Variants in SMOC1 observed in about 807,000 individuals in gnomAD.
The protein encoded by SMOC1 is SPARC-related modular calcium-binding protein 1.
A neutral mutation model predicts 56.3 loss-of-function variants in SMOC1; 22 were observed. The ratio of observed to expected loss-of-function variants is 0.39; its 90% CI spans 0.28 to 0.56. The LOEUF is 0.56. Among genes scored for constraint, SMOC1 ranks in the 20% least tolerant of loss-of-function variants. SMOC1 has a pLI of 0.61. For synonymous variants in SMOC1, 193 were observed against 215.0 expected (o/e 0.90, Z 0.89); for missense variants, 509 against 565.4 (o/e 0.90, Z 1.01).
At chr14:70,007,238 G>A (rs1885178826) in intron 7 of SMOC1, among the ~76,000 whole-genome samples, 1 of 152,280 alleles carries the variant, frequency 6.6e-6, no homozygotes, top group Non-Finnish European at 1.5e-5. Flanking sequence ...GTTCAATGAG[G>A]ATAACAACAC....
At chr14:69,883,239 C>T (rs1883693348) in intron 1 of SMOC1, among the ~76,000 whole-genome samples, 1 of 152,152 alleles carries the variant, frequency 6.6e-6, no homozygotes, top group South Asian at 2.1e-4. Context: ...TTACTCCTCT[C>T]TAACTATAAT....
At chr14:69,955,192 G>A (rs1883140739) in intron 3 of SMOC1, among the ~76,000 whole-genome samples, 1 of 152,164 alleles carries the variant, frequency 6.6e-6, no homozygotes, top group African/African-American at 2.4e-5. Flanking sequence ...AAATCCCTAA[G>A]TCCAGAGCCC....
chr14:69,936,572 G>T (rs1885300415), intron 1 of SMOC1, among the ~76,000 whole-genome samples: 1 of 152,246 alleles, frequency 6.6e-6, no homozygotes, highest in African/African-American at 2.4e-5. Flanking sequence ...GTCTGGGCAA[G>T]CTTCGCTCAG....
chr14:69,994,825 T>C (rs1429148443), intron 7 of SMOC1, among the ~76,000 whole-genome samples: 1 of 152,226 alleles, frequency 6.6e-6, no homozygotes, highest in African/African-American at 2.4e-5. Context: ...GAGTCGATTC[T>C]GTGTGTTTTG....
intron 1 of SMOC1, among the ~76,000 whole-genome samples, chr14:69,911,932 G>A (rs1229673936): frequency 6.6e-6 from 1 of 152,192 alleles, no homozygotes; most frequent in Non-Finnish European, 1.5e-5. Context: ...CTGCCACACT[G>A]TTTTCCAGAG....
chr14:69,883,221 T>A (rs1023678178), intron 1 of SMOC1, among the ~76,000 whole-genome samples: 9 of 152,188 alleles, frequency 5.9e-5, no homozygotes, highest in Non-Finnish European at 2.9e-5. Flanking sequence ...ATAGATCTCT[T>A]GAATTTATTA....
At chr14:69,993,804 T>G (rs761820767) in intron 6 of SMOC1, among the ~76,000 whole-genome samples, 6 of 152,152 alleles carry the variant, frequency 3.9e-5, no homozygotes, top group Non-Finnish European at 7.4e-5. Context: ...TGAAGGTCAC[T>G]CCACAGTATG....
Position 70,031,080 on chromosome 14 carries a change from T to G in SMOC1, c.*822T>G, listed in dbSNP as rs1213701527. 2 of 152,190 alleles carry G rather than the reference T, an allele frequency of 1.3e-5. No individual in the cohort carries two copies. Among genetic ancestry groups the G allele is most frequent in the Non-Finnish European group, 2.9e-5 (2 of 68,056 alleles). 9.4% of individuals were successfully genotyped at this position (152,190 alleles called of 1,614,324 possible). On this transcript the variant is annotated 3_prime_UTR_variant, in exon 12 of 12. Coordinates refer to ENST00000361956, the MANE Select transcript of SMOC1 (RefSeq NM_001034852.3). ...TATCTTAGTGACCCTCGGAGCAAATTATCCACAAAGGATTTGCATTACGTC... is the reference window on the plus strand; with the variant it reads ...TATCTTAGTGACCCTCGGAGCAAATGATCCACAAAGGATTTGCATTACGTC...
intron 1 of SMOC1, among the ~76,000 whole-genome samples, chr14:69,913,707 T>C (rs1884614561): frequency 6.6e-6 from 1 of 152,184 alleles, no homozygotes; most frequent in African/African-American, 2.4e-5. Context: ...GATTTTGCTC[T>C]TGAGTGTGGG....
At chr14:70,005,542 C>T (rs1293904187) in intron 7 of SMOC1, among the ~76,000 whole-genome samples, 3 of 152,138 alleles carry the variant, frequency 2.0e-5, no homozygotes. Flanking sequence ...GGGTTGTGTG[C>T]CTTCTGGTGA....
intron 1 of SMOC1, chr14:69,885,875 C>A (rs552312561): frequency 6.3e-7 from 1 of 1,599,380 alleles, no homozygotes. Context: ...AGCTGTTTGG[C>A]GGTCCAGGGC....
intron 1 of SMOC1, among the ~76,000 whole-genome samples, chr14:69,912,443 T>C (rs1884578066): frequency 6.6e-6 from 1 of 152,200 alleles, no homozygotes; most frequent in African/African-American, 2.4e-5. Context: ...GTAGAGCCGG[T>C]GTTTTGCTGT....
chr14:69,970,365 C>T (rs1055286967), intron 3 of SMOC1, among the ~76,000 whole-genome samples: 2 of 152,176 alleles, frequency 1.3e-5, no homozygotes, highest in Non-Finnish European at 1.5e-5. Flanking sequence ...GCCTCAGTTT[C>T]CTCATTTTTG....
At chr14:70,015,675 G>A (rs2139598437) in intron 10 of SMOC1, among the ~76,000 whole-genome samples, 1 of 152,198 alleles carries the variant, frequency 6.6e-6, no homozygotes, top group South Asian at 2.1e-4. Context: ...GATGAAGACA[G>A]GGTTCAACAG....
intron 5 of SMOC1, among the ~76,000 whole-genome samples, chr14:69,980,770 G>A (rs140934240): frequency 1.3e-5 from 2 of 152,234 alleles, no homozygotes; most frequent in African/African-American, 4.8e-5. Context: ...CCTGAGGCCT[G>A]CTGCAAAGAG....
At chr14:70,019,134 GT>G (rs1283437262) in intron 10 of SMOC1, among the ~76,000 whole-genome samples, 1 of 152,240 alleles carries the variant, frequency 6.6e-6, no homozygotes, top group Non-Finnish European at 1.5e-5. Context: ...TGGGAGAAGT[GT>G]AGCCTATGCC....
At chr14:69,987,724 C>T (rs1301726391) in intron 5 of SMOC1, among the ~76,000 whole-genome samples, 1 of 152,136 alleles carries the variant, frequency 6.6e-6, no homozygotes, top group African/African-American at 2.4e-5. Context: ...TCCTCGCCAG[C>T]GAATGTCAAT....
rs188367573 is a variant in SMOC1, at chr14:69,963,357, G to T, written c.378+9825G>T. Among the ~76,000 whole-genome samples the T allele has an allele frequency of 6.0e-3, 916 of 152,176 alleles. 7 individuals are homozygous for T. The highest frequency in any genetic ancestry group is 0.01 in the South Asian group (50 of 4,806). The stretch of plus-strand genomic sequence containing the variant: ...TTGGGAGAGAACGGTACCAAATGGG[G>T]GTAGGAAACTTTTTAGAATCACCAA... On this transcript the variant is annotated intron_variant, in intron 3 of 11. Transcript: ENST00000361956.
At chr14:69,909,057 T>C (rs149567873) in intron 1 of SMOC1, among the ~76,000 whole-genome samples, 1 of 152,126 alleles carries the variant, frequency 6.6e-6, no homozygotes, top group Non-Finnish European at 1.5e-5. Context: ...ATCTCTTTGC[T>C]CCACTAGACT....
Sources: allele counts gnomAD v4.1 joint callset (sites outside exome capture counted in the v4.1 genomes callset), GRCh38; gene constraint gnomAD v4.1.1; transcripts MANE v1.5; gene names NCBI Gene and HGNC (gene_info 2026-07-23, HGNC 2026-07-21).